ZMAT4: variants seen among roughly 807,000 people sequenced by gnomAD.
ZMAT4 encodes the protein zinc finger matrin-type protein 4.
Under a neutral mutation model 28.7 loss-of-function variants are expected in ZMAT4, and 17 were observed. That is an observed-to-expected ratio of 0.59 (90% confidence interval 0.41 to 0.89). ZMAT4 has a LOEUF of 0.89. Among genes scored for constraint, ZMAT4 ranks in the 40% least tolerant of loss-of-function variants. The pLI is 0.00. For synonymous variants in ZMAT4, 117 were observed against 109.2 expected, an observed-to-expected ratio of 1.07 and a Z score of -0.44; for missense variants, 240 against 283.8, an observed-to-expected ratio of 0.85 and a Z score of 1.11.
intron 3 of ZMAT4, among the ~76,000 whole-genome samples, chr8:40,755,186 T>C (rs941658796): frequency 6.6e-6 from 1 of 152,184 alleles, no homozygotes; most frequent in Non-Finnish European, 1.5e-5. Context: ...TTTGAAATGA[T>C]GCTTCTCTCT....
At chr8:40,863,925 T>C (rs1266766480) in intron 1 of ZMAT4, among the ~76,000 whole-genome samples, 1 of 152,190 alleles carries the variant, frequency 6.6e-6, no homozygotes, top group Non-Finnish European at 1.5e-5. Flanking sequence ...CACACATTAT[T>C]TCAATTAGAT....
chr8:40,632,861 A>G (rs1300410504), intron 5 of ZMAT4, among the ~76,000 whole-genome samples: 4 of 152,150 alleles, frequency 2.6e-5, no homozygotes, highest in Admixed American at 6.5e-5. Context: ...TCCTTTCTGT[A>G]TTTCTCACAT....
intron 2 of ZMAT4, among the ~76,000 whole-genome samples, chr8:40,791,931 C>A (rs1814342479): frequency 6.6e-6 from 1 of 152,118 alleles, no homozygotes; most frequent in African/African-American, 2.4e-5. Flanking sequence ...GCAGAGGGGC[C>A]ATAACTCCAT....
chr8:40,716,325 C>A (rs914146759), intron 3 of ZMAT4, among the ~76,000 whole-genome samples: 1 of 152,172 alleles, frequency 6.6e-6, no homozygotes, highest in African/African-American at 2.4e-5. Context: ...AGAGAGTCAG[C>A]CCCATGCTAA....
intron 4 of ZMAT4, among the ~76,000 whole-genome samples, chr8:40,688,323 G>T (rs913582215): frequency 2.0e-5 from 3 of 152,084 alleles, no homozygotes; most frequent in African/African-American, 7.2e-5. Flanking sequence ...GAGTGTATTG[G>T]CATGCACCTG....
chr8:40,864,551 C>A (rs1343178520), intron 1 of ZMAT4, among the ~76,000 whole-genome samples: 1 of 152,120 alleles, frequency 6.6e-6, no homozygotes, highest in African/African-American at 2.4e-5. Flanking sequence ...ATCACACATA[C>A]CCTGTGTGGC....
chr8:40,603,367 AG>A (rs1466712044), intron 5 of ZMAT4, among the ~76,000 whole-genome samples: 1 of 152,114 alleles, frequency 6.6e-6, no homozygotes, highest in Non-Finnish European at 1.5e-5. Flanking sequence ...TGATGTCTCC[AG>A]ATTTGTTCTT....
chr8:40,694,517 C>T (rs1018471773), intron 4 of ZMAT4, among the ~76,000 whole-genome samples: 4 of 152,166 alleles, frequency 2.6e-5, no homozygotes, highest in African/African-American at 7.2e-5. Context: ...TTTCCCAACA[C>T]CGGCACACTG....
chr8:40,751,943 T>A (rs1051400408), intron 3 of ZMAT4, among the ~76,000 whole-genome samples: 2 of 152,144 alleles, frequency 1.3e-5, no homozygotes, highest in Non-Finnish European at 2.9e-5. Flanking sequence ...AAGACCCCTG[T>A]CCTCCTAAAG....
At chr8:40,609,354 A>G (rs1249631925) in intron 5 of ZMAT4, among the ~76,000 whole-genome samples, 1 of 152,142 alleles carries the variant, frequency 6.6e-6, no homozygotes, top group Admixed American at 6.5e-5. Context: ...GCATTGGTCT[A>G]TGAGCTACTG....
intron 3 of ZMAT4, among the ~76,000 whole-genome samples, chr8:40,709,823 G>A (rs1305943910): frequency 3.3e-5 from 5 of 152,174 alleles, no homozygotes; most frequent in Non-Finnish European, 4.4e-5. Context: ...TAGATCACGA[G>A]GTCCGGAGTT....
chr8:40,729,902 G>C (rs1811466125), intron 3 of ZMAT4, among the ~76,000 whole-genome samples: 1 of 152,034 alleles, frequency 6.6e-6, no homozygotes, highest in Admixed American at 6.6e-5. Context: ...TTTCTTTCTT[G>C]AAGCCTCAGT....
At chr8:40,551,118 C>A (rs745384097) in intron 6 of ZMAT4, among the ~76,000 whole-genome samples, 142 of 152,096 alleles carry the variant, frequency 9.3e-4, no homozygotes, top group Non-Finnish European at 1.7e-3. Context: ...GGCTGGCCTA[C>A]AATCCATAAT....
intron 6 of ZMAT4, among the ~76,000 whole-genome samples, chr8:40,561,187 A>G (rs76631219): frequency 0.031 from 4,734 of 152,254 alleles, 262 homozygotes; most frequent in African/African-American, 0.11. Context: ...TTTTCTGACA[A>G]AAATGGAAAC....
intron 1 of ZMAT4, among the ~76,000 whole-genome samples, chr8:40,841,385 C>T (rs6994700): frequency 0.24 from 35,827 of 152,094 alleles, 4,596 homozygotes; most frequent in Middle Eastern, 0.29. Context: ...CCAGAGGCCG[C>T]CCCCCTGCCA....
intron 1 of ZMAT4, among the ~76,000 whole-genome samples, chr8:40,831,238 C>A (rs77086906): frequency 1.3e-5 from 2 of 152,150 alleles, no homozygotes; most frequent in Admixed American, 6.5e-5. Context: ...GAAACTCAGG[C>A]CTGTGAAGAC....
chr8:40,695,364 C>T (rs1412157051), intron 4 of ZMAT4, among the ~76,000 whole-genome samples: 3 of 152,200 alleles, frequency 2.0e-5, no homozygotes, highest in Non-Finnish European at 4.4e-5. Flanking sequence ...TTTCCAAGAT[C>T]CTTTCTGCTC....
At chr8:40,680,885 T>C (rs954319402) in intron 4 of ZMAT4, among the ~76,000 whole-genome samples, 5 of 152,174 alleles carry the variant, frequency 3.3e-5, no homozygotes, top group African/African-American at 1.2e-4. Context: ...GTTTAATTCA[T>C]TCTCACAAGG....
At chr8:40,725,169 AGT>A (rs1225169863) in intron 3 of ZMAT4, among the ~76,000 whole-genome samples, 1 of 151,940 alleles carries the variant, frequency 6.6e-6, no homozygotes, top group Non-Finnish European at 1.5e-5. Context: ...GACACCTGTA[AGT>A]GTGTTTATTC....
Sources: allele counts gnomAD v4.1 joint callset (sites outside exome capture counted in the v4.1 genomes callset), GRCh38; gene constraint gnomAD v4.1.1; transcripts MANE v1.5; gene names NCBI Gene and HGNC (gene_info 2026-07-23, HGNC 2026-07-21).